TNIK: variants seen among roughly 807,000 people sequenced by gnomAD.
TNIK encodes the protein TRAF2 and NCK-interacting protein kinase.
In TNIK, 49 loss-of-function variants were observed where a neutral mutation model predicts 191.3. That is an observed-to-expected ratio of 0.26 (90% CI 0.20 to 0.32). The LOEUF is 0.32. Ranked by LOEUF, TNIK falls within the 10% of genes least tolerant of loss-of-function variation. TNIK has a pLI of 1.00. For synonymous variants in TNIK, 594 were observed against 600.9 expected, an observed-to-expected ratio of 0.99 and a Z score of 0.17; for missense variants, 1,155 against 1,702.3, an observed-to-expected ratio of 0.68 and a Z score of 5.66.
intron 2 of TNIK, among the ~76,000 whole-genome samples, chr3:171,268,552 T>C (rs953039200): frequency 2.0e-5 from 3 of 152,026 alleles, no homozygotes; most frequent in Non-Finnish European, 4.4e-5. Context: ...CTGAGTAAAA[T>C]CTCTTTGTAC....
chr3:171,179,436 T>C (rs1409659417), intron 7 of TNIK, among the ~76,000 whole-genome samples: 1 of 151,572 alleles, frequency 6.6e-6, no homozygotes, highest in Non-Finnish European at 1.5e-5. Context: ...CGCAGTTCTA[T>C]TGTACCTGGG....
chr3:171,355,369 G>A (rs1006488116), intron 2 of TNIK, among the ~76,000 whole-genome samples: 26 of 152,306 alleles, frequency 1.7e-4, no homozygotes, highest in African/African-American at 6.3e-4. Flanking sequence ...AGTATTTGAA[G>A]TGTCTCTTCA....
chr3:171,212,191 C>T (rs1020273298), intron 3 of TNIK, among the ~76,000 whole-genome samples: 11 of 152,062 alleles, frequency 7.2e-5, no homozygotes, highest in Non-Finnish European at 1.3e-4. Context: ...TCCTCCACTC[C>T]GGCTGCACTG....
chr3:171,348,087 C>G (rs1164340506), intron 2 of TNIK, among the ~76,000 whole-genome samples: 1 of 152,120 alleles, frequency 6.6e-6, no homozygotes, highest in Non-Finnish European at 1.5e-5. Flanking sequence ...TTTTTGACAA[C>G]AAGTAAATCC....
intron 18 of TNIK, among the ~76,000 whole-genome samples, chr3:171,116,132 TA>T (rs1430769888): frequency 6.6e-6 from 1 of 152,262 alleles, no homozygotes; most frequent in African/African-American, 2.4e-5. Context: ...ATGCCTTTTC[TA>T]CCTTTTCTTT....
At chr3:171,365,966 A>C (rs1478328988) in intron 2 of TNIK, among the ~76,000 whole-genome samples, 1 of 152,216 alleles carries the variant, frequency 6.6e-6, no homozygotes, top group East Asian at 1.9e-4. Flanking sequence ...GACAGGAAAA[A>C]CCAACATTTA....
At chr3:171,188,654 A>G in intron 7 of TNIK, 48 bp downstream of exon 7, 24 of 1,601,976 alleles carry the variant, frequency 1.5e-5, no homozygotes, top group Non-Finnish European at 2.0e-5. Context: ...TATAAGACTC[A>G]GGATAAGATG....
chr3:171,455,960 T>C (rs868050346), intron 1 of TNIK, among the ~76,000 whole-genome samples: 1 of 152,140 alleles, frequency 6.6e-6, no homozygotes, highest in Non-Finnish European at 1.5e-5. Context: ...AAGTAAAACA[T>C]GAGCATGAAA....
chr3:171,412,893 G>A (rs1429116536), intron 1 of TNIK, among the ~76,000 whole-genome samples: 1 of 152,110 alleles, frequency 6.6e-6, no homozygotes, highest in Non-Finnish European at 1.5e-5. Context: ...GCAGACCAGA[G>A]GGAACACAGC....
intron 2 of TNIK, among the ~76,000 whole-genome samples, chr3:171,328,229 G>A (rs954600452): frequency 5.3e-5 from 8 of 152,096 alleles, no homozygotes; most frequent in South Asian, 4.1e-4. Context: ...ACTATGAATC[G>A]GATCATCTAT....
chr3:171,082,542 C>G, intron 26 of TNIK, 148 bp from the exon 27 acceptor site: 5 of 866,204 alleles, frequency 5.8e-6, no homozygotes, highest in Non-Finnish European at 8.5e-6. Flanking sequence ...TGTAGAAGCT[C>G]TGACATAATA....
At chr3:171,172,233 T>C (rs1735379302) in intron 9 of TNIK, among the ~76,000 whole-genome samples, 1 of 152,236 alleles carries the variant, frequency 6.6e-6, no homozygotes, top group East Asian at 1.9e-4. Context: ...ATGTTTGCCA[T>C]GAGAAGAGTT....
chr3:171,351,956 C>T lies in TNIK; in HGVS notation c.123+17664G>A, dbSNP rs1713281488. Among the ~76,000 whole-genome samples the T allele has an allele frequency of 3.9e-5, 6 of 152,340 alleles. No individual in the cohort carries two copies. The South Asian group carries it at 1.2e-3, about 32-fold the overall frequency. On this transcript the variant is annotated intron_variant, in intron 2 of 32. Transcript: ENST00000436636. ...AAGGAAAGGCATTCCACTAATCAAGCTATCTCTAGTCCTCAGGACCAAGGA... is the reference window on the plus strand; with the variant it reads ...AAGGAAAGGCATTCCACTAATCAAGTTATCTCTAGTCCTCAGGACCAAGGA...
At chr3:171,411,409 G>GA (rs770635372) in intron 1 of TNIK, among the ~76,000 whole-genome samples, 1 of 151,166 alleles carries the variant, frequency 6.6e-6, no homozygotes, top group East Asian at 1.9e-4. Flanking sequence ...GAATTTATTA[G>GA]AAAAAATTAA....
chr3:171,139,432 C>G (rs1168095304), intron 14 of TNIK, 38 bp downstream of exon 14: 2 of 1,560,354 alleles, frequency 1.3e-6, no homozygotes, highest in Non-Finnish European at 1.8e-6. Flanking sequence ...GCAAGATGAA[C>G]ACAGAGCAGG....
chr3:171,372,315 T>G (rs1379822612), intron 1 of TNIK, among the ~76,000 whole-genome samples: 2 of 151,836 alleles, frequency 1.3e-5, no homozygotes, highest in African/African-American at 4.8e-5. Flanking sequence ...AACTAAAGAG[T>G]TCTACTGGCA....
At chr3:171,341,528 T>G (rs1757529819) in intron 2 of TNIK, among the ~76,000 whole-genome samples, 1 of 145,228 alleles carries the variant, frequency 6.9e-6, no homozygotes, top group East Asian at 2.0e-4. Context: ...AAGCCATATA[T>G]TTTGCTGTAT....
intron 2 of TNIK, among the ~76,000 whole-genome samples, chr3:171,252,367 T>C (rs892547014): frequency 1.1e-4 from 17 of 152,292 alleles, no homozygotes; most frequent in African/African-American, 4.1e-4. Flanking sequence ...GAAAATTAAC[T>C]GTGCACTTAT....
intron 14 of TNIK, 92 bp downstream of exon 14, chr3:171,139,378 G>GCGCACACACACA (rs35492114): frequency 2.2e-4 from 154 of 692,936 alleles, no homozygotes; most frequent in South Asian, 4.8e-4. Flanking sequence ...ACGCACGCGC[G>GCGCACACACACA]CACACACACA....
Sources: gnomAD v4.1 joint callset for allele counts (sites outside exome capture counted in the v4.1 genomes callset) on GRCh38, gnomAD v4.1.1 for gene constraint, MANE v1.5 for transcripts, NCBI Gene and HGNC (gene_info 2026-07-23, HGNC 2026-07-21) for gene names.